IAH1: variants seen among roughly 807,000 people sequenced by gnomAD.
IAH1 encodes the protein isoamyl acetate hydrolyzing esterase 1 (putative).
A neutral mutation model predicts 26.7 loss-of-function variants in IAH1; 24 were observed. The ratio of observed to expected loss-of-function variants is 0.90; its 90% CI spans 0.65 to 1.26. The LOEUF (loss-of-function observed/expected upper bound fraction) is 1.26, where lower values mean the gene tolerates loss of function less well. Ranked by LOEUF, IAH1 falls within the 50% of genes most tolerant of loss-of-function variation. The pLI is 0.00. For missense variants in IAH1, 300 were observed against 299.9 expected (o/e 1.00, Z 0.00); for synonymous variants, 140 against 118.5 (o/e 1.18, Z -1.18).
At chr2:9,502,067 G>A in the IAH1 span, 1 of 1,012,508 alleles carries the variant, frequency 9.9e-7, no homozygotes. Flanking sequence ...CGGCATATGA[G>A]ATTAAAAATA....
intron 5 of IAH1, among the ~76,000 whole-genome samples, chr2:9,487,790 G>GTC (rs1558484591): frequency 1.8e-5 from 1 of 56,778 alleles, no homozygotes; most frequent in African/African-American, 6.5e-5. Context: ...CGGCCTTTTT[G>GTC]TGTGTGTGTG....
chr2:9,489,212 A>AACAGGCAATCTTTGTAT lies in IAH1; in HGVS notation c.*884_*900dup, dbSNP rs1286574798. 1 of 150,874 alleles carries AACAGGCAATCTTTGTAT rather than the reference A, an allele frequency of 6.6e-6. No individual in the cohort carries two copies. Among genetic ancestry groups the AACAGGCAATCTTTGTAT allele is most frequent in the East Asian group, 1.9e-4 (1 of 5,198 alleles). The allele number at this position is 150,874 out of a possible 1,614,324, so 9.3% of individuals were successfully genotyped here. ...ACCCTCTTATTCAATAGTGTTTGAAAACAGGCAATCTTTGTATTTTAAATA... is the reference window on the plus strand; with the variant it reads ...ACCCTCTTATTCAATAGTGTTTGAAAACAGGCAATCTTTGTATACAGGCAATCTTTGTATTTTAAATA... On this transcript the variant is annotated 3_prime_UTR_variant, in exon 6 of 6. Transcript: ENST00000497473.
chr2:9,490,604 C>A, downstream of IAH1: 1 of 1,350,514 alleles, frequency 7.4e-7, no homozygotes, highest in South Asian at 1.4e-5. Flanking sequence ...ATCAAACAGC[C>A]TCTTATTCTG....
rs1052689122 is a variant in IAH1, at chr2:9,489,353, G to A, written c.*1024G>A. ...CAACCTCAGCCTCTCCAAGTGCTGG[G>A]ATTACAGGCATGAGCCACCACTCCC... On this transcript the variant is annotated 3_prime_UTR_variant, in exon 6 of 6. Coordinates refer to ENST00000497473, the MANE Select transcript of IAH1 (RefSeq NM_001039613.3). 2.0e-5 allele frequency: 3 copies of A among 147,324 alleles called. No individual in the cohort carries two copies. Among genetic ancestry groups the A allele is most frequent in the Non-Finnish European group, 4.4e-5 (3 of 67,596 alleles). 9.1% of individuals were successfully genotyped at this position (147,324 alleles called of 1,614,324 possible). A position where few individuals can be genotyped will look rare whatever the true frequency, so the allele number is the denominator to read the frequency against.
intron 4 of IAH1, 86 bp downstream of exon 4, chr2:9,481,533 G>A: frequency 7.4e-7 from 1 of 1,348,822 alleles, no homozygotes. Flanking sequence ...CCTGCCTGGG[G>A]CTTCTGTTTC....
intron 1 of IAH1, chr2:9,475,247 C>T (rs943590542): frequency 2.4e-6 from 3 of 1,259,422 alleles, no homozygotes; most frequent in Middle Eastern, 2.1e-4. Context: ...AGTAGAAATT[C>T]CATTCCTGTG....
intron 5 of IAH1, chr2:9,487,588 C>G (rs1661596468): frequency 6.6e-6 from 1 of 152,126 alleles, no homozygotes; most frequent in African/African-American, 2.4e-5. Context: ...AATATGGAGA[C>G]AGCACTATAG....
chr2:9,476,422 G>A (rs1572829549), intron 2 of IAH1, among the ~76,000 whole-genome samples: 1 of 152,206 alleles, frequency 6.6e-6, no homozygotes, highest in African/African-American at 2.4e-5. Context: ...GACTCACCTT[G>A]TCACAATTCT....
the IAH1 span, among the ~76,000 whole-genome samples, chr2:9,507,403 A>G: frequency 5.3e-5 from 8 of 152,164 alleles, no homozygotes; most frequent in South Asian, 1.0e-3. Flanking sequence ...TCAGGAGGCT[A>G]AGGCAGGAGA....
At chr2:9,484,333 A>G in intron 4 of IAH1, 99 bp from the exon 5 acceptor site, 2 of 940,768 alleles carry the variant, frequency 2.1e-6, no homozygotes, top group Non-Finnish European at 1.7e-6. Flanking sequence ...GTCAATATTT[A>G]ATGGCATTTT....
intron 5 of IAH1, 82 bp from the exon 6 acceptor site, chr2:9,488,065 G>C: frequency 1.1e-6 from 1 of 917,268 alleles, no homozygotes; most frequent in Non-Finnish European, 1.6e-6. Flanking sequence ...AGTAATCCTC[G>C]GCCCCAAAGT....
downstream of IAH1, among the ~76,000 whole-genome samples, chr2:9,500,184 C>T (rs1190232084): frequency 6.6e-6 from 1 of 152,166 alleles, no homozygotes; most frequent in Non-Finnish European, 1.5e-5. Context: ...CAAAATGTGG[C>T]ATATCCATGC....
chr2:9,500,720 A>G (rs150882882), downstream of IAH1, among the ~76,000 whole-genome samples: 93 of 152,346 alleles, frequency 6.1e-4, 2 homozygotes, highest in African/African-American at 2.0e-3. Flanking sequence ...AAACATCGCA[A>G]GGGTAAAAAA....
intron 2 of IAH1, among the ~76,000 whole-genome samples, chr2:9,477,663 G>GTT (rs1433779434): frequency 1.4e-5 from 2 of 141,640 alleles, no homozygotes; most frequent in African/African-American, 5.6e-5. Context: ...AGGCAACCCG[G>GTT]CTTTTTTTTT....
At position 9,479,795 on chromosome 2, in the gene IAH1, C is replaced by CTTT. The variant is rs5829216; in HGVS notation, c.283+1458_284-1456dup. ...TGTGTGCGGAGATTTCTGTGTATTGCTTTTTTTTTTTTTTTTTTTTTTTTT... is the reference window on the plus strand; with the variant it reads ...TGTGTGCGGAGATTTCTGTGTATTGCTTTTTTTTTTTTTTTTTTTTTTTTTTTT... On this transcript the variant is annotated intron_variant, in intron 3 of 5. Coordinates refer to ENST00000497473, the MANE Select transcript of IAH1 (RefSeq NM_001039613.3). Among the ~76,000 whole-genome samples, 186 of 69,848 alleles carry CTTT rather than the reference C, an allele frequency of 2.7e-3. 15 individuals carry two copies. The East Asian group carries it at 0.028, about 10-fold the overall frequency. 45.8% of individuals were successfully genotyped at this position (69,848 alleles called of 152,430 possible).
At position 9,474,605 on chromosome 2, in the gene IAH1, G is replaced by T. The variant is rs1372941584; in HGVS notation, c.39G>T (p.Leu13=). 2 of 1,553,124 alleles carry T rather than the reference G, an allele frequency of 1.3e-6. No homozygotes were observed. Among genetic ancestry groups the T allele is most frequent in the South Asian group, 2.3e-5 (2 of 85,320 alleles). Residue 13 remains leucine (L), a synonymous_variant, in exon 1 of 6, where the codon CTG becomes CTT. Transcript: ENST00000497473. The surrounding 1 kb of genome is among the most constrained non-coding windows in gnomAD (Gnocchi z 4.3). ...LCEAAGCGSA[L]LWPRLLLFGD... is the part of the protein sequence containing the mutation. ...AGGCCGCGGGCTGCGGGAGTGCCCT[G>T]CTCTGGCCTCGCTTGTTGCTCTTCG... is the stretch of plus-strand genomic sequence containing the variant.
the IAH1 span, chr2:9,502,158 A>C: frequency 6.2e-6 from 10 of 1,609,172 alleles, no homozygotes; most frequent in Non-Finnish European, 7.7e-6. Flanking sequence ...CCAAGGAAGC[A>C]ACAAGAACAC....
intron 4 of IAH1, among the ~76,000 whole-genome samples, chr2:9,483,050 A>G (rs1456358270): frequency 1.3e-5 from 2 of 152,228 alleles, no homozygotes; most frequent in African/African-American, 4.8e-5. Context: ...GTTACATAGC[A>G]TGGTCCACAG....
chr2:9,481,568 A>G (rs1661176277), intron 4 of IAH1, 121 bp downstream of exon 4: 2 of 844,134 alleles, frequency 2.4e-6, no homozygotes, highest in South Asian at 3.5e-5. Flanking sequence ...TGTCCATTTC[A>G]GTCTGTTTTC....
Sources: allele counts gnomAD v4.1 joint callset (sites outside exome capture counted in the v4.1 genomes callset), GRCh38; gene constraint gnomAD v4.1.1; non-coding constraint Gnocchi (gnomAD v3.1); transcripts MANE v1.5; gene names NCBI Gene and HGNC (gene_info 2026-07-23, HGNC 2026-07-21).